RASSF3: variants seen among roughly 807,000 people sequenced by gnomAD.
RASSF3 encodes the protein ras association domain-containing protein 3.
Under a neutral mutation model 19.9 loss-of-function variants are expected in RASSF3, and 19 were observed. The ratio of observed to expected loss-of-function variants is 0.96; its 90% CI spans 0.67 to 1.40. The LOEUF (loss-of-function observed/expected upper bound fraction) is 1.40, where lower values mean the gene tolerates loss of function less well. RASSF3 is among the 40% of genes most tolerant of loss of function. The pLI is 0.00. For missense variants in RASSF3, 306 were observed against 289.8 expected (o/e 1.06, Z -0.41); for synonymous variants, 110 against 104.2 (o/e 1.06, Z -0.34).
chr12:64,678,846 A>C (rs1873011822), intron 1 of RASSF3, among the ~76,000 whole-genome samples: 1 of 152,170 alleles, frequency 6.6e-6, no homozygotes. Flanking sequence ...TATCTTCATA[A>C]CAGTTGTGTA....
chr12:64,531,843 G>C (rs919666851), upstream of RASSF3, among the ~76,000 whole-genome samples: 1 of 152,190 alleles, frequency 6.6e-6, no homozygotes, highest in Admixed American at 6.5e-5. Flanking sequence ...CACAGGGCTG[G>C]TAAGTGACAG....
At chr12:64,550,376 G>C (rs913771195) in intron 2 of RASSF3, among the ~76,000 whole-genome samples, 2 of 152,042 alleles carry the variant, frequency 1.3e-5, no homozygotes, top group Non-Finnish European at 2.9e-5. Context: ...GAAAAGAAAA[G>C]AGAAATAGCC....
upstream of RASSF3, among the ~76,000 whole-genome samples, chr12:64,529,359 A>G (rs1370624238): frequency 6.6e-6 from 1 of 152,244 alleles, no homozygotes; most frequent in Non-Finnish European, 1.5e-5. Flanking sequence ...AGAGACATTT[A>G]TGCCTTACTT....
At chr12:64,678,261 T>C (rs970083429) in intron 1 of RASSF3, among the ~76,000 whole-genome samples, 1 of 152,242 alleles carries the variant, frequency 6.6e-6, no homozygotes, top group Non-Finnish European at 1.5e-5. Context: ...CTGTCTGTTA[T>C]TGCACTGGGT....
At chr12:64,517,137 G>A (rs868007713) in intron 1 of RASSF3, among the ~76,000 whole-genome samples, 1 of 151,184 alleles carries the variant, frequency 6.6e-6, no homozygotes, top group Middle Eastern at 3.4e-3. Context: ...AAACAAACTT[G>A]TAATATCAGT....
intron 2 of RASSF3, among the ~76,000 whole-genome samples, chr12:64,601,714 G>T (rs1004389580): frequency 5.9e-5 from 9 of 152,144 alleles, no homozygotes; most frequent in Middle Eastern, 3.4e-3. Flanking sequence ...TCAGGAGGCC[G>T]AGGTGGGAAG....
chr12:64,602,901 C>A (rs1281271555), intron 2 of RASSF3, among the ~76,000 whole-genome samples: 2 of 152,082 alleles, frequency 1.3e-5, no homozygotes, highest in East Asian at 1.9e-4. Context: ...GAGTTTGAGA[C>A]CAGCCTCGCC....
chr12:64,520,569 T>C lies in RASSF3; in HGVS notation c.169+13240T>C, dbSNP rs1386263360. The stretch of plus-strand genomic sequence containing the variant: ...ACACATACACACATATATATATATA[T>C]ATATATATATATATATATATATATA... On this transcript the variant is annotated intron_variant, in intron 1 of 5. Coordinates refer to the RASSF3 transcript ENST00000637125. Among the ~76,000 whole-genome samples the C allele has an allele frequency of 5.2e-3, 178 of 34,244 alleles. 3 individuals are homozygous for C. Among genetic ancestry groups the C allele is most frequent in the African/African-American group, 0.024 (155 of 6,588 alleles). 22.5% of individuals were successfully genotyped at this position (34,244 alleles called of 152,430 possible).
intron 1 of RASSF3, among the ~76,000 whole-genome samples, chr12:64,619,743 A>G (rs899313589): frequency 6.6e-6 from 1 of 152,090 alleles, no homozygotes; most frequent in South Asian, 2.1e-4. Flanking sequence ...GCACATTGGG[A>G]GGCCAAGGCG....
intron 1 of RASSF3, among the ~76,000 whole-genome samples, chr12:64,615,316 G>A (rs1231046842): frequency 6.6e-6 from 1 of 152,158 alleles, no homozygotes; most frequent in East Asian, 1.9e-4. Flanking sequence ...GGTAGTTCAT[G>A]GGAATAAGGA....
intron 1 of RASSF3, among the ~76,000 whole-genome samples, chr12:64,653,392 C>T (rs978480410): frequency 2.0e-5 from 3 of 151,974 alleles, no homozygotes; most frequent in Non-Finnish European, 2.9e-5. Flanking sequence ...CCTAATATCC[C>T]CTTTTCTTAG....
chr12:64,519,755 T>A (rs1868429310), intron 1 of RASSF3, among the ~76,000 whole-genome samples: 1 of 152,046 alleles, frequency 6.6e-6, no homozygotes, highest in South Asian at 2.1e-4. Context: ...ACCTAAGCAA[T>A]CATATCTCAA....
chr12:64,561,926 C>T (rs1869353992), intron 2 of RASSF3, among the ~76,000 whole-genome samples: 1 of 151,922 alleles, frequency 6.6e-6, no homozygotes, highest in East Asian at 1.9e-4. Context: ...TCGAGTGATC[C>T]ACCCACCTCA....
At chr12:64,668,303 G>T (rs1872591240) in intron 1 of RASSF3, among the ~76,000 whole-genome samples, 1 of 147,714 alleles carries the variant, frequency 6.8e-6, no homozygotes, top group Non-Finnish European at 1.5e-5. Context: ...TTGAAACAGG[G>T]TCTCACTGTC....
chr12:64,627,226 A>G (rs1295381502), intron 1 of RASSF3, among the ~76,000 whole-genome samples: 3 of 152,224 alleles, frequency 2.0e-5, no homozygotes, highest in Non-Finnish European at 4.4e-5. Flanking sequence ...TGTAGTATTG[A>G]CACTTGATAA....
intron 1 of RASSF3, among the ~76,000 whole-genome samples, chr12:64,640,676 T>C (rs1871483964): frequency 6.6e-6 from 1 of 152,172 alleles, no homozygotes; most frequent in South Asian, 2.1e-4. Context: ...AGGGTCTCAC[T>C]CTGTTACCCA....
intron 1 of RASSF3, chr12:64,622,584 C>A: frequency 2.1e-6 from 1 of 486,700 alleles, no homozygotes; most frequent in Non-Finnish European, 4.1e-6. Flanking sequence ...ATCTCAATTA[C>A]TTTTGCACCA....
chr12:64,694,707 C>G, intron 4 of RASSF3, 56 bp from the exon 5 acceptor site: 2 of 1,598,718 alleles, frequency 1.3e-6, no homozygotes, highest in South Asian at 1.1e-5. Flanking sequence ...GTCAGCATTC[C>G]TAAGTCTAAC....
chr12:64,517,018 A>AAAAG (rs1249182830), intron 1 of RASSF3, among the ~76,000 whole-genome samples: 7 of 150,942 alleles, frequency 4.6e-5, no homozygotes, highest in South Asian at 2.1e-4. Context: ...AAAAAAAAAA[A>AAAAG]AAAGAAAGAG....
Sources: allele counts gnomAD v4.1 joint callset (sites outside exome capture counted in the v4.1 genomes callset), GRCh38; gene constraint gnomAD v4.1.1; transcripts MANE v1.5; gene names NCBI Gene and HGNC (gene_info 2026-07-23, HGNC 2026-07-21).